Variants in PRELID2 observed in about 807,000 individuals in gnomAD.
The protein encoded by PRELID2 is PRELI domain-containing protein 2.
Under a neutral mutation model 28.4 loss-of-function variants are expected in PRELID2, and 25 were observed. The observed-to-expected ratio is 0.88, with a 90% CI of 0.64 to 1.23. PRELID2 has a LOEUF of 1.23. Among genes scored for constraint, PRELID2 ranks in the 50% most tolerant of loss-of-function variants. PRELID2 has a pLI of 0.00. For synonymous variants in PRELID2, 76 were observed against 71.6 expected, an observed-to-expected ratio of 1.06 and a Z score of -0.31; for missense variants, 201 against 214.4, an observed-to-expected ratio of 0.94 and a Z score of 0.39.
chr5:145,383,575 A>C, the PRELID2 span, among the ~76,000 whole-genome samples: 1 of 151,770 alleles, frequency 6.6e-6, no homozygotes, highest in East Asian at 1.9e-4. Context: ...TTCAATAGGG[A>C]AAAAATCTTT....
rs1049089220 is a variant in PRELID2 at position 145,497,684 on chromosome 5, G to A, written n.71-24369C>T. Among the ~76,000 whole-genome samples the A allele has an allele frequency of 4.6e-5, 7 of 152,080 alleles. No homozygotes were observed. The East Asian group carries it at 5.8e-4, about 13-fold the overall frequency. ...TGCCTGTGCTCACTCAAGTAGTTTC[G>A]GAGATTTCCATGTTTCCAATCCCAG... On this transcript the variant is annotated intron_variant and non_coding_transcript_variant, in intron 1 of 2. Coordinates refer to the PRELID2 transcript ENST00000510259.
the PRELID2 span, among the ~76,000 whole-genome samples, chr5:145,358,880 T>C: frequency 6.6e-6 from 1 of 152,186 alleles, no homozygotes; most frequent in African/African-American, 2.4e-5. Context: ...TTTTAAAATT[T>C]TCTTCAGAAT....
At chr5:145,482,808 ATCAGGTATTAGAT>A (rs1444423771) in intron 1 of PRELID2, among the ~76,000 whole-genome samples, 2 of 151,848 alleles carry the variant, frequency 1.3e-5, no homozygotes, top group Admixed American at 6.6e-5. Flanking sequence ...GTGACAGATC[ATCAGGTATTAGAT>A]TCTCATAAGA....
intron 1 of PRELID2, among the ~76,000 whole-genome samples, chr5:145,584,476 C>T (rs1040090284): frequency 6.6e-6 from 1 of 152,066 alleles, no homozygotes; most frequent in East Asian, 1.9e-4. Context: ...GCAAAAGAAA[C>T]TAGCATCAGA....
intron 1 of PRELID2, among the ~76,000 whole-genome samples, chr5:145,544,397 G>T (rs2126675084): frequency 6.6e-6 from 1 of 152,088 alleles, no homozygotes; most frequent in Admixed American, 6.6e-5. Flanking sequence ...ACATTTGTAT[G>T]GCGAGGTACA....
At chr5:145,595,873 C>G (rs1753298091) in intron 1 of PRELID2, among the ~76,000 whole-genome samples, 1 of 151,932 alleles carries the variant, frequency 6.6e-6, no homozygotes, top group African/African-American at 2.4e-5. Flanking sequence ...AAAATTAATT[C>G]AGATAAAATG....
At chr5:145,501,577 C>G (rs557821446) in intron 1 of PRELID2, among the ~76,000 whole-genome samples, 59 of 152,286 alleles carry the variant, frequency 3.9e-4, no homozygotes, top group African/African-American at 1.4e-3. Flanking sequence ...ACCCCTTTCA[C>G]TTGGTTCTCA....
At chr5:145,304,892 G>A in the PRELID2 span, among the ~76,000 whole-genome samples, 1 of 152,086 alleles carries the variant, frequency 6.6e-6, no homozygotes, top group African/African-American at 2.4e-5. Flanking sequence ...CATATATATA[G>A]TATGGTACCT....
chr5:145,599,110 T>C (rs981494706), intron 1 of PRELID2, among the ~76,000 whole-genome samples: 2 of 152,158 alleles, frequency 1.3e-5, no homozygotes, highest in East Asian at 3.9e-4. Context: ...ATTAACTTGC[T>C]AGCAGAGAGG....
the PRELID2 span, among the ~76,000 whole-genome samples, chr5:145,300,220 T>TA: frequency 2.0e-5 from 3 of 152,140 alleles, no homozygotes; most frequent in African/African-American, 7.2e-5. Flanking sequence ...TATCTGATAA[T>TA]ACCTTCTTAT....
the PRELID2 span, among the ~76,000 whole-genome samples, chr5:145,439,230 A>T: frequency 3.3e-5 from 5 of 152,256 alleles, no homozygotes; most frequent in East Asian, 9.7e-4. Context: ...TTGGTTGCCA[A>T]CATTTAAGAA....
the PRELID2 span, among the ~76,000 whole-genome samples, chr5:145,420,853 G>T: frequency 3.5e-5 from 3 of 86,424 alleles, no homozygotes; most frequent in African/African-American, 9.4e-5. Context: ...CATTCAGTAT[G>T]ATATTGGCTG....
At chr5:145,613,719 A>G (rs543531498) in intron 1 of PRELID2, among the ~76,000 whole-genome samples, 1 of 152,040 alleles carries the variant, frequency 6.6e-6, no homozygotes, top group South Asian at 2.1e-4. Context: ...TAGATTTTGG[A>G]TATTAGTCTT....
chr5:145,552,111 T>A (rs113846641), intron 1 of PRELID2, among the ~76,000 whole-genome samples: 1,838 of 152,266 alleles, frequency 0.012, 42 homozygotes, highest in African/African-American at 0.041. Flanking sequence ...CATTACATAG[T>A]GTGCCCTACT....
intron 5 of PRELID2, among the ~76,000 whole-genome samples, chr5:145,773,278 A>G (rs1290072727): frequency 1.3e-5 from 2 of 152,260 alleles, no homozygotes; most frequent in Non-Finnish European, 2.9e-5. Context: ...ACAGAATGAA[A>G]GATCAATTAA....
the PRELID2 span, among the ~76,000 whole-genome samples, chr5:145,326,800 A>C: frequency 6.6e-6 from 1 of 152,124 alleles, no homozygotes; most frequent in Non-Finnish European, 1.5e-5. Context: ...GATTTATTAG[A>C]GAAGACCAGA....
At chr5:145,741,707 T>TATTTATATATA (rs1756782514) in intron 1 of PRELID2, among the ~76,000 whole-genome samples, 1 of 20,236 alleles carries the variant, frequency 4.9e-5, no homozygotes, top group African/African-American at 8.4e-5. Flanking sequence ...ATAAATAATT[T>TATTTATATATA]ATTTATATAT....
chr5:145,323,884 T>C, the PRELID2 span, among the ~76,000 whole-genome samples: 8 of 152,212 alleles, frequency 5.3e-5, no homozygotes, highest in Admixed American at 4.6e-4. Context: ...TTTAGGTCGA[T>C]TTCATGTCTT....
At chr5:145,409,486 C>T in the PRELID2 span, among the ~76,000 whole-genome samples, 1 of 152,046 alleles carries the variant, frequency 6.6e-6, no homozygotes, top group African/African-American at 2.4e-5. Context: ...ACTCGCCTAA[C>T]ACATAAGGCC....
Sources: gnomAD v4.1 joint callset for allele counts (sites outside exome capture counted in the v4.1 genomes callset) on GRCh38, gnomAD v4.1.1 for gene constraint, MANE v1.5 for transcripts, NCBI Gene and HGNC (gene_info 2026-07-23, HGNC 2026-07-21) for gene names.